SPTBN5: variants seen among roughly 807,000 people sequenced by gnomAD.
SPTBN5 encodes spectrin beta chain, non-erythrocytic 5.
In SPTBN5, 513 loss-of-function variants were observed where a neutral mutation model predicts 477.6. The ratio of observed to expected loss-of-function variants is 1.07; its 90% confidence interval spans 1.00 to 1.16. SPTBN5 has a LOEUF of 1.16. Among genes scored for constraint, SPTBN5 ranks in the 50% most tolerant of loss-of-function variants. SPTBN5 has a pLI of 0.00. For missense variants in SPTBN5, 5,062 were observed against 4,731.8 expected, an observed-to-expected ratio of 1.07 and a Z score of -2.05; for synonymous variants, 2,169 against 2,011.7, an observed-to-expected ratio of 1.08 and a Z score of -2.09.
chr15:41,857,000 C>G lies in SPTBN5; in HGVS notation c.8661G>C (p.Thr2887=), dbSNP rs377516465. 4 of 1,604,644 alleles carry G rather than the reference C, an allele frequency of 2.5e-6. No individual in the cohort carries two copies. Residue 2887 remains threonine, a synonymous_variant, in exon 52 of 68, where the codon ACG becomes ACC. Transcript: ENST00000320955. ...AGAGGAGGCTCCGGGCCTCCAGGGC[C>G]GTCCTGCGCTCCTGCAGGGGCTCCC... ...SLREPLQERR[T]ALEARSLLLK... is the part of the protein sequence containing the mutation.
rs2067208275 is a variant in SPTBN5, at chr15:41,888,043, C to G, written c.544G>C (p.Ala182Pro). Residue 182 changes from alanine to proline, a missense_variant, in exon 5 of 68, where the codon GCC becomes CCC. Physicochemically the swap from Ala to Pro is conservative, Grantham distance 27. Coordinates refer to ENST00000320955, the MANE Select transcript of SPTBN5 (RefSeq NM_016642.4). ...ASAALLSTKE[A>P]LLVWCQRKTA... ...TTCCGCTGGCACCAGACCAGCAGGG[C>G]TTCCTTGGTGGACAGCAGGGCTGCG... The G allele has an allele frequency of 6.3e-7, 1 of 1,584,258 alleles. No homozygotes were observed. Among genetic ancestry groups the G allele is most frequent in the African/African-American group, 1.3e-5 (1 of 74,358 alleles).
At position 41,854,070 on chromosome 15, in the gene SPTBN5, G is replaced by C; in HGVS notation, c.9754C>G (p.Gln3252Glu). ...HSLSSVRTLQQQHRRLERELE... is the reference protein window; with the variant it reads ...HSLSSVRTLQEQHRRLERELE... ...CTCACCTCCAGGCGCCTGTGCTGTT[G>C]CTGCAGGGTCCGCACAGATGACAGG... Residue 3252 changes from glutamine to glutamate, a missense_variant, in exon 57 of 68, where the codon CAA becomes GAA. Gln to Glu is a conservative substitution (Grantham distance 29). Coordinates refer to ENST00000320955, the MANE Select transcript of SPTBN5 (RefSeq NM_016642.4). 1 of 1,573,710 alleles carries C rather than the reference G, an allele frequency of 6.4e-7. No homozygotes were observed. Among genetic ancestry groups the C allele is most frequent in the Non-Finnish European group, 8.6e-7 (1 of 1,162,266 alleles).
chr15:41,851,374 G>T lies in SPTBN5; in HGVS notation c.10657-5C>A. ...GTCCCAGGAGCTCGAGCTAGGCTGT[G>T]GAGAGGAGGCGGGAAGGTCGCATGA... On this transcript the variant is annotated splice_polypyrimidine_tract_variant and splice_region_variant and intron_variant, in intron 63 of 67. Transcript: ENST00000320955. 6.5e-7 allele frequency: 1 copy of T among 1,550,338 alleles called. No individual in the cohort carries two copies. Among genetic ancestry groups the T allele is most frequent in the Non-Finnish European group, 8.7e-7 (1 of 1,146,594 alleles).
rs761692733 is a variant in SPTBN5 at position 41,893,003 on chromosome 15, C to T, written c.275G>A (p.Arg92Gln). 98 of 1,610,828 alleles carry T rather than the reference C, an allele frequency of 6.1e-5. No individual in the cohort carries two copies. The highest frequency in any genetic ancestry group is 2.1e-4 in the South Asian group (19 of 91,078). ...TELADGIHLL[R>Q]LLELISGEAL... ...CTCCCCTGAGATGAGCTCCAGCAGCCGCAGGAGGTGGATGCCGTCAGCCAG... is the reference window on the plus strand; with the variant it reads ...CTCCCCTGAGATGAGCTCCAGCAGCTGCAGGAGGTGGATGCCGTCAGCCAG... Residue 92 changes from arginine to glutamine, a missense_variant, in exon 3 of 68, where the codon CGG becomes CAG. Coordinates refer to ENST00000320955, the MANE Select transcript of SPTBN5 (RefSeq NM_016642.4).
chr15:41,887,237 C>A lies in SPTBN5; in HGVS notation c.864G>T (p.Gln288His), dbSNP rs1595513789. 4 of 1,551,546 alleles carry A rather than the reference C, an allele frequency of 2.6e-6. No individual in the cohort carries two copies. Among genetic ancestry groups the A allele is most frequent in the Non-Finnish European group, 3.5e-6 (4 of 1,146,962 alleles). Residue 288 changes from glutamine (Q) to histidine (H), a missense_variant, in exon 6 of 68, where the codon CAG (glutamine) becomes CAT (histidine). Physicochemically the swap from Gln to His is conservative, Grantham distance 24 (BLOSUM62 0). Transcript: ENST00000320955. Reference protein sequence around the residue: ...YHYCSRLHQGQTVQRRLTKIL... With the variant: ...YHYCSRLHQGHTVQRRLTKIL... ...CCTTAGTGAGTCTCCTCTGGACAGT[C>A]TGCCCCTGATGCAGGCGGGAGCAGT...
chr15:41,857,500 G>A lies in SPTBN5; in HGVS notation c.8365-6C>T. 6.2e-7 allele frequency: 1 copy of A among 1,604,690 alleles called. No homozygotes were observed. The highest frequency in any genetic ancestry group is 8.5e-7 in the Non-Finnish European group (1 of 1,173,368). Reference sequence around the variant, plus strand: ...CTCCGCCGCAGACGCAGGGCCTAGGGTAGAAAGTGAGGTAGGCAGGAGGGG... The same window carrying A: ...CTCCGCCGCAGACGCAGGGCCTAGGATAGAAAGTGAGGTAGGCAGGAGGGG... On this transcript the variant is annotated splice_region_variant and splice_polypyrimidine_tract_variant and intron_variant, in intron 50 of 67. Coordinates refer to ENST00000320955, the MANE Select transcript of SPTBN5 (RefSeq NM_016642.4).
At chr15:41,874,626 C>T (rs1336612144) in intron 23 of SPTBN5, 148 bp from the exon 24 acceptor site, 43 of 851,096 alleles carry the variant, frequency 5.1e-5, no homozygotes, top group Non-Finnish European at 5.5e-5. Context: ...AGTGGAAGGG[C>T]GCCAGGGCCC....
chr15:41,866,335 GGTT>G lies in SPTBN5; in HGVS notation c.6630+6_6630+8del. 1 of 1,583,500 alleles carries G rather than the reference GGTT, an allele frequency of 6.3e-7. No homozygotes were observed. The highest frequency in any genetic ancestry group is 1.1e-5 in the South Asian group (1 of 87,286). ...GGGGCAGGCATGGGGCTGAGGGCCCGGTTGTTACCTTGGCAACAGAGGTCATGA... is the reference window on the plus strand; with the variant it reads ...GGGGCAGGCATGGGGCTGAGGGCCCGGTTACCTTGGCAACAGAGGTCATGA... On this transcript the variant is annotated splice_donor_region_variant and intron_variant, in intron 37 of 67. Transcript: ENST00000320955.
At position 41,882,681 on chromosome 15, in the gene SPTBN5, C is replaced by T. The variant is rs763505427; in HGVS notation, c.1950G>A (p.Glu650=). 1.2e-6 allele frequency: 2 copies of T among 1,609,166 alleles called. No individual in the cohort carries two copies. The highest frequency in any genetic ancestry group is 1.7e-6 in the Non-Finnish European group (2 of 1,178,242). Reference sequence around the variant, plus strand: ...CGCACTCCTTCAGCCAGGCTTCCTCCTCCTCACAGTTGCGCAGGAACTCTG... The same window carrying T: ...CGCACTCCTTCAGCCAGGCTTCCTCTTCCTCACAGTTGCGCAGGAACTCTG... ...QRAEFLRNCE[E]EEAWLKECGQ... Residue 650 remains glutamate (E), a synonymous_variant, in exon 10 of 68, where the codon GAG becomes GAA. Coordinates refer to ENST00000320955, the MANE Select transcript of SPTBN5 (RefSeq NM_016642.4).
rs1368725499 is a variant in SPTBN5 at position 41,848,226 on chromosome 15, G to A, written c.*390C>T. 4.0e-5 allele frequency: 20 copies of A among 496,994 alleles called. No homozygotes were observed. Among genetic ancestry groups the A allele is most frequent in the South Asian group, 3.9e-4 (18 of 45,590 alleles). The allele number at this position is 496,994 out of a possible 1,614,324, so 30.8% of individuals were successfully genotyped here. On this transcript the variant is annotated 3_prime_UTR_variant, in exon 68 of 68. Coordinates refer to ENST00000320955, the MANE Select transcript of SPTBN5 (RefSeq NM_016642.4). ...TCTTGGCTGTACATGGCAAGGGCTG[G>A]TACAGAGCTCGCTCATCAGTGTTCT...
chr15:41,871,958 AC>A (rs1185265015), intron 27 of SPTBN5, 41 bp from the exon 28 acceptor site: 2 of 1,477,918 alleles, frequency 1.4e-6, no homozygotes, highest in Non-Finnish European at 9.0e-7. Context: ...TGAGTTGCCC[AC>A]CCCCCTGGGG....
chr15:41,866,646 G>A, intron 36 of SPTBN5, 153 bp from the exon 37 acceptor site: 1 of 984,086 alleles, frequency 1.0e-6, no homozygotes, highest in Non-Finnish European at 1.4e-6. Flanking sequence ...GCTCCGGAAG[G>A]TTGCTGCAGG....
chr15:41,890,707 C>T (rs1011198712), intron 3 of SPTBN5, among the ~76,000 whole-genome samples: 1 of 152,238 alleles, frequency 6.6e-6, no homozygotes, highest in African/African-American at 2.4e-5. Flanking sequence ...TCCAGACTCC[C>T]AGGCTCCACC....
At chr15:41,873,797 A>G (rs2066621272) in intron 25 of SPTBN5, 48 bp downstream of exon 25, 2 of 1,597,970 alleles carry the variant, frequency 1.3e-6, no homozygotes, top group Non-Finnish European at 1.7e-6. Flanking sequence ...CCCCTCAAGG[A>G]GCCCTGACTT....
intron 51 of SPTBN5, 47 bp from the exon 52 acceptor site, chr15:41,857,086 C>T (rs1695018494): frequency 1.3e-6 from 2 of 1,563,398 alleles, no homozygotes; most frequent in South Asian, 2.4e-5. Flanking sequence ...ACCAGGGTGT[C>T]AGTATTAGGG....
rs760143003 is a variant in SPTBN5 at position 41,881,103 on chromosome 15, A to G, written c.2589T>C (p.Asp863=). ...CCTGTGTCTGGAGTATAGTGTTGGG[A>G]TCAAAGTCAGGGTCAGGCTCAGCTG... The part of the protein sequence containing the change: ...ALPAEPDPDF[D]PNTILQTQDH... Residue 863 remains aspartate (D), a synonymous_variant, in exon 13 of 68, where the codon GAT becomes GAC. Transcript: ENST00000320955. 1 of 1,612,792 alleles carries G rather than the reference A, an allele frequency of 6.2e-7. No homozygotes were observed. The highest frequency in any genetic ancestry group is 1.7e-5 in the Admixed American group (1 of 59,874).
chr15:41,873,767 C>A, intron 25 of SPTBN5, 78 bp downstream of exon 25: 2 of 1,573,018 alleles, frequency 1.3e-6, no homozygotes, highest in Non-Finnish European at 1.7e-6. Context: ...GATCCGCCTC[C>A]CTGAGAGTCC....
At chr15:41,875,750 G>A in intron 21 of SPTBN5, 128 bp from the exon 22 acceptor site, 1 of 994,296 alleles carries the variant, frequency 1.0e-6, no homozygotes, top group Non-Finnish European at 1.4e-6. Flanking sequence ...GGGCTGCCTG[G>A]AAGAAAGCAG....
intron 13 of SPTBN5, among the ~76,000 whole-genome samples, chr15:41,880,819 G>T (rs1423780637): frequency 6.6e-6 from 1 of 152,156 alleles, no homozygotes; most frequent in African/African-American, 2.4e-5. Context: ...TTCCCTCCAA[G>T]GTGCCTTCCC....
Sources: allele counts gnomAD v4.1 joint callset (sites outside exome capture counted in the v4.1 genomes callset), GRCh38; gene constraint gnomAD v4.1.1; transcripts MANE v1.5; gene names NCBI Gene and HGNC (gene_info 2026-07-23, HGNC 2026-07-21).